Variants in TMEM108 observed in about 807,000 individuals in gnomAD.
The protein encoded by TMEM108 is cancer/testis antigen 124.
Under a neutral mutation model 35.1 loss-of-function variants are expected in TMEM108, and 12 were observed. The ratio of observed to expected loss-of-function variants is 0.34; its 90% CI spans 0.22 to 0.55. The LOEUF is 0.55. Among genes scored for constraint, TMEM108 ranks in the 20% least tolerant of loss-of-function variants. TMEM108 has a pLI of 0.89. For missense variants in TMEM108, 680 were observed against 753.3 expected (o/e 0.90, Z 1.14); for synonymous variants, 287 against 308.6 (o/e 0.93, Z 0.73).
intron 3 of TMEM108, among the ~76,000 whole-genome samples, chr3:133,316,214 C>T (rs946691760): frequency 6.6e-6 from 1 of 152,110 alleles, no homozygotes; most frequent in Non-Finnish European, 1.5e-5. Flanking sequence ...AATACGTACC[C>T]CACATTCTTG....
intron 3 of TMEM108, among the ~76,000 whole-genome samples, chr3:133,315,023 G>A (rs79423138): frequency 0.14 from 21,535 of 152,050 alleles, 1,618 homozygotes; most frequent in South Asian, 0.22. Flanking sequence ...ATCTTGTTTT[G>A]TCTCGGTTTT....
At chr3:133,144,697 A>G (rs965477475) in intron 2 of TMEM108, among the ~76,000 whole-genome samples, 1 of 152,012 alleles carries the variant, frequency 6.6e-6, no homozygotes, top group Non-Finnish European at 1.5e-5. Flanking sequence ...TGTGCTTTTG[A>G]TTTGCATTTC....
chr3:133,208,305 A>G (rs1254648323), intron 2 of TMEM108, among the ~76,000 whole-genome samples: 1 of 152,112 alleles, frequency 6.6e-6, no homozygotes, highest in African/African-American at 2.4e-5. Context: ...ACGTGGTAAC[A>G]TTACTGTGAA....
chr3:133,183,912 T>C (rs555149709), intron 2 of TMEM108, among the ~76,000 whole-genome samples: 1 of 152,108 alleles, frequency 6.6e-6, no homozygotes, highest in Non-Finnish European at 1.5e-5. Context: ...CCGTACCTAC[T>C]TGGGGGCATT....
chr3:133,358,594 C>T (rs1032959223), intron 3 of TMEM108, among the ~76,000 whole-genome samples: 3 of 152,106 alleles, frequency 2.0e-5, no homozygotes, highest in Admixed American at 6.5e-5. Context: ...CAGGTGGACT[C>T]TCTGGGCATA....
intron 2 of TMEM108, among the ~76,000 whole-genome samples, chr3:133,111,263 A>T (rs1239766372): frequency 1.3e-5 from 2 of 152,144 alleles, no homozygotes; most frequent in Admixed American, 1.3e-4. Context: ...TCTCATTTTT[A>T]TCTATGAGGA....
intron 3 of TMEM108, among the ~76,000 whole-genome samples, chr3:133,370,856 G>A (rs2072640416): frequency 6.8e-6 from 1 of 146,660 alleles, no homozygotes; most frequent in Non-Finnish European, 1.5e-5. Flanking sequence ...TATTCCGTCT[G>A]TTTCCCCAGC....
intron 2 of TMEM108, among the ~76,000 whole-genome samples, chr3:133,206,158 A>G (rs1348114430): frequency 1.3e-5 from 2 of 152,138 alleles, no homozygotes; most frequent in Admixed American, 6.5e-5. Context: ...CAGGTCATTT[A>G]TGTTCTTCTC....
chr3:133,256,608 T>C (rs1946549994), intron 3 of TMEM108, among the ~76,000 whole-genome samples: 1 of 152,202 alleles, frequency 6.6e-6, no homozygotes. Flanking sequence ...AACTTAGGCA[T>C]AGTCAAGTTT....
intron 4 of TMEM108, among the ~76,000 whole-genome samples, chr3:133,381,708 T>C (rs991720138): frequency 6.6e-6 from 1 of 152,188 alleles, no homozygotes; most frequent in Non-Finnish European, 1.5e-5. Context: ...TCTCTCCTCC[T>C]GCCCCTCTTC....
At chr3:133,040,740 C>T (rs1943265732) in intron 1 of TMEM108, among the ~76,000 whole-genome samples, 1 of 152,180 alleles carries the variant, frequency 6.6e-6, no homozygotes, top group Admixed American at 6.5e-5. Context: ...AAGCTTAGTC[C>T]ATCTAGCAAC....
intron 2 of TMEM108, among the ~76,000 whole-genome samples, chr3:133,218,058 G>T (rs1242904885): frequency 6.6e-6 from 1 of 151,952 alleles, no homozygotes; most frequent in Non-Finnish European, 1.5e-5. Flanking sequence ...AACATAGGAT[G>T]TCTTTCCATT....
rs566732896 is a variant in TMEM108 at position 133,051,993 on chromosome 3, A to G, written c.-47+5973A>G. On this transcript the variant is annotated intron_variant, in intron 2 of 5. Coordinates refer to ENST00000321871, the MANE Select transcript of TMEM108 (RefSeq NM_023943.4). ...GCTATTCTGCGTGTTTTGCCTCTCC[A>G]TATACACATTAGAACCAATTTGTTG... Among the ~76,000 whole-genome samples, 5 of 152,276 alleles carry G rather than the reference A, an allele frequency of 3.3e-5. No homozygotes were observed. In the South Asian group the frequency reaches 1.0e-3, roughly 32 times the overall value.
At chr3:133,288,755 T>G (rs1285702379) in intron 3 of TMEM108, among the ~76,000 whole-genome samples, 1 of 152,200 alleles carries the variant, frequency 6.6e-6, no homozygotes, top group Non-Finnish European at 1.5e-5. Flanking sequence ...TTGGGGGTTT[T>G]TTGAGATGGA....
intron 3 of TMEM108, among the ~76,000 whole-genome samples, chr3:133,240,564 T>G (rs1028444550): frequency 2.6e-5 from 4 of 152,230 alleles, no homozygotes; most frequent in Non-Finnish European, 5.9e-5. Flanking sequence ...GCTGTTGATT[T>G]ATGTAAATTC....
intron 2 of TMEM108, among the ~76,000 whole-genome samples, chr3:133,217,417 G>T (rs1945925460): frequency 6.6e-6 from 1 of 151,824 alleles, no homozygotes; most frequent in Non-Finnish European, 1.5e-5. Flanking sequence ...CTGTATAAAA[G>T]CTTGTTTGTT....
At chr3:133,256,859 T>G (rs1227830621) in intron 3 of TMEM108, among the ~76,000 whole-genome samples, 2 of 152,224 alleles carry the variant, frequency 1.3e-5, no homozygotes, top group Non-Finnish European at 2.9e-5. Context: ...TGCTCCACAA[T>G]TCACTTCATG....
At chr3:133,233,549 A>G (rs1946187498) in intron 3 of TMEM108, among the ~76,000 whole-genome samples, 1 of 152,166 alleles carries the variant, frequency 6.6e-6, no homozygotes, top group South Asian at 2.1e-4. Flanking sequence ...CTTTGGGTAT[A>G]TACCCAGTAA....
intron 2 of TMEM108, among the ~76,000 whole-genome samples, chr3:133,211,646 G>T (rs1018874173): frequency 2.6e-5 from 4 of 152,176 alleles, no homozygotes; most frequent in Admixed American, 2.6e-4. Flanking sequence ...GAAGAAGGAG[G>T]TTCTGTGTCA....
Sources: gnomAD v4.1 joint callset for allele counts (sites outside exome capture counted in the v4.1 genomes callset) on GRCh38, gnomAD v4.1.1 for gene constraint, MANE v1.5 for transcripts, NCBI Gene and HGNC (gene_info 2026-07-23, HGNC 2026-07-21) for gene names.